Variants in C3 observed in about 807,000 individuals in gnomAD.
The protein encoded by C3 is C3 and PZP-like alpha-2-macroglobulin domain-containing protein 1.
Under a neutral mutation model 207.9 loss-of-function variants are expected in C3, and 97 were observed. The observed-to-expected ratio is 0.47, with a 90% CI of 0.40 to 0.55. The LOEUF (loss-of-function observed/expected upper bound fraction) is 0.55. Ranked by LOEUF, C3 falls within the 20% of genes least tolerant of loss-of-function variation. The pLI, the probability that C3 is intolerant of heterozygous loss-of-function variation, is 0.00. For missense variants in C3, 1,684 were observed against 2,171.7 expected (o/e 0.78, Z 4.46); for synonymous variants, 848 against 857.6 (o/e 0.99, Z 0.20).
rs376875885 is a variant in C3 at position 6,712,594 on chromosome 19, C to T, written c.1033G>A (p.Gly345Arg). Residue 345 changes from glycine to arginine, a missense_variant, in exon 10 of 41, where the codon GGG becomes AGG. Around this residue, in one of 3 missense-constraint regions of C3, gnomAD observed 1,280 missense variants for 1,739.1 expected, o/e 0.74. Coordinates refer to ENST00000245907, the MANE Select transcript of C3 (RefSeq NM_000064.4). ...GSDMVQAERS[G>R]IPIVTSPYQI... ...TAGGGAGAGGTCACGATGGGGATCC[C>T]GCTGCGCTCTGCCTGCACCATGTCA... The T allele has an allele frequency of 1.1e-5, 17 of 1,614,096 alleles. No homozygotes were observed. The highest frequency in any genetic ancestry group is 1.4e-5 in the Non-Finnish European group (16 of 1,179,978).
At position 6,682,025 on chromosome 19, in the gene C3, G is replaced by C. The variant is rs763380367; in HGVS notation, c.4266C>G (p.Ala1422=). 4.3e-6 allele frequency: 7 copies of C among 1,613,770 alleles called. No homozygotes were observed. The highest frequency in any genetic ancestry group is 5.9e-6 in the Non-Finnish European group (7 of 1,179,682). The part of the protein sequence containing the change: ...APDTDDLKQL[A]NGVDRYISKY... Reference sequence around the variant, plus strand: ...TGGAGATGTATCTGTCAACACCATTGGCCAGCTGGGGAAAGGTGGAGCCTG... The same window carrying C: ...TGGAGATGTATCTGTCAACACCATTCGCCAGCTGGGGAAAGGTGGAGCCTG... Residue 1422 remains alanine (A), a synonymous_variant, in exon 35 of 41, where the codon GCC becomes GCG. Transcript: ENST00000245907.
intron 27 of C3, among the ~76,000 whole-genome samples, chr19:6,687,916 G>A (rs531580460): frequency 6.6e-6 from 1 of 151,064 alleles, no homozygotes; most frequent in South Asian, 2.1e-4. Flanking sequence ...GAGTGCAGTG[G>A]CGCGATCTCG....
At position 6,707,249 on chromosome 19, in the gene C3, C is replaced by T; in HGVS notation, c.2072G>A (p.Arg691His). 6.2e-7 allele frequency: 1 copy of T among 1,612,136 alleles called. No individual in the cohort carries two copies. ...DKVGKYPKEL[R>H]KCCEDGMREN... is the part of the protein sequence containing the mutation. ...CCGCATGCCGTCCTCGCAGCACTTGCGCAGCTCCTTGGGGTACTTGCCGAC... is the reference window on the plus strand; with the variant it reads ...CCGCATGCCGTCCTCGCAGCACTTGTGCAGCTCCTTGGGGTACTTGCCGAC... The change falls in exon 17 of 41, where the codon CGC becomes CAC. Residue 691 changes from arginine (R) to histidine (H), a missense_variant. Arg to His is a conservative substitution (Grantham distance 29). This residue lies in a region of C3 where 1,280 missense variants were observed against 1,739.1 expected (regional missense o/e 0.74). Transcript: ENST00000245907.
At position 6,702,502 on chromosome 19, in the gene C3, C is replaced by T. The variant is rs745813592; in HGVS notation, c.2323G>A (p.Val775Ile). Reference protein sequence around the residue: ...SEFPESWLWNVEDLKEPPKNG... With the variant: ...SEFPESWLWNIEDLKEPPKNG... The stretch of plus-strand genomic sequence containing the variant: ...TTCGGTGGCTCTTTCAAGTCCTCAA[C>T]GTTCCACAGCCAGCTCTCTGGGAAC... Residue 775 changes from valine (V) to isoleucine (I), a missense_variant, in exon 18 of 41, where the codon GTT becomes ATT. Physicochemically the swap from Val to Ile is conservative, Grantham distance 29 (BLOSUM62 3). Coordinates refer to ENST00000245907, the MANE Select transcript of C3 (RefSeq NM_000064.4). 5.0e-6 allele frequency: 8 copies of T among 1,613,888 alleles called. No homozygotes were observed. The highest frequency in any genetic ancestry group is 6.8e-6 in the Non-Finnish European group (8 of 1,179,832).
intron 26 of C3, among the ~76,000 whole-genome samples, chr19:6,691,989 A>AACAC (rs57940862): frequency 0.043 from 5,932 of 136,830 alleles, 139 homozygotes; most frequent in Non-Finnish European, 0.049. Context: ...CTCCATCTCA[A>AACAC]ACACACACAC....
rs1360122442 is a variant in C3, at chr19:6,694,649, A to T, written c.2951-15T>A. ...CACTGGGGTCCCTGCAGCAGGTGGG[A>T]AGAGGACGTTGCTCAAGCCAGGTGG... On this transcript the variant is annotated splice_polypyrimidine_tract_variant and intron_variant, in intron 23 of 40. Coordinates refer to ENST00000245907, the MANE Select transcript of C3 (RefSeq NM_000064.4). The T allele has an allele frequency of 6.2e-7, 1 of 1,608,382 alleles. No homozygotes were observed.
At chr19:6,678,909 A>G (rs530827970) in intron 38 of C3, among the ~76,000 whole-genome samples, 1 of 152,182 alleles carries the variant, frequency 6.6e-6, no homozygotes, top group East Asian at 1.9e-4. Flanking sequence ...TGATGCATAC[A>G]ACCACATCTA....
Position 6,715,644 on chromosome 19 carries a change from C to T in C3, c.505-1198G>A, listed in dbSNP as rs867626385. Among the ~76,000 whole-genome samples the T allele has an allele frequency of 2.4e-4, 32 of 134,852 alleles. No homozygotes were observed. The Middle Eastern group carries it at 0.023, about 97-fold the overall frequency. 88.5% of individuals were successfully genotyped at this position (134,852 alleles called of 152,430 possible). On this transcript the variant is annotated intron_variant, in intron 4 of 40. Transcript: ENST00000245907. Reference sequence around the variant, plus strand: ...GTTTTTTTTGTTTTTTTTTTTGAGACGGAGTCTTGCTCTGTCGCCCAGGCT... The same window carrying T: ...GTTTTTTTTGTTTTTTTTTTTGAGATGGAGTCTTGCTCTGTCGCCCAGGCT...
At chr19:6,714,721 G>A (rs1967996444) in intron 4 of C3, among the ~76,000 whole-genome samples, 1 of 152,180 alleles carries the variant, frequency 6.6e-6, no homozygotes, top group Non-Finnish European at 1.5e-5. Context: ...AATTAGCCAG[G>A]CATGGTGGTA....
At chr19:6,685,625 G>A (rs1243602149) in intron 29 of C3, among the ~76,000 whole-genome samples, 5 of 152,172 alleles carry the variant, frequency 3.3e-5, no homozygotes, top group African/African-American at 4.8e-5. Flanking sequence ...GAGGCCAACT[G>A]GAGCCTGAAG....
chr19:6,700,553 A>G lies in C3; in HGVS notation c.2440+1574T>C, dbSNP rs747924102. ...ATGATATATTATATATGTAATATAT[A>G]ATATATGTAATATATGATATATTAT... On this transcript the variant is annotated intron_variant, in intron 19 of 40. Transcript: ENST00000245907. Among the ~76,000 whole-genome samples, 5 of 19,318 alleles carry G rather than the reference A, an allele frequency of 2.6e-4. 2 individuals are homozygous for G. Among genetic ancestry groups the G allele is most frequent in the Admixed American group, 1.2e-3 (1 of 830 alleles). The allele number at this position is 19,318 out of a possible 152,430, so 12.7% of individuals were successfully genotyped here.
chr19:6,690,204 T>A (rs1918132880), intron 27 of C3, among the ~76,000 whole-genome samples: 1 of 152,206 alleles, frequency 6.6e-6, no homozygotes, highest in African/African-American at 2.4e-5. Flanking sequence ...TAGCTCTGTA[T>A]CCCAAGTTTT....
chr19:6,713,363 G>A (rs1380255796), intron 8 of C3, 44 bp downstream of exon 8: 7 of 1,613,812 alleles, frequency 4.3e-6, no homozygotes, highest in Non-Finnish European at 3.4e-6. Context: ...CTCAGAGGTG[G>A]CGGGGACTGG....
intron 14 of C3, 44 bp downstream of exon 14, chr19:6,709,640 G>T: frequency 1.6e-6 from 1 of 641,784 alleles, no homozygotes; most frequent in African/African-American, 2.8e-5. Flanking sequence ...CCCCAGCTCC[G>T]TGCCTCCGCC....
Position 6,713,313 on chromosome 19 carries a change from A to C in C3, c.879T>G (p.Ile293Met). 6.2e-7 allele frequency: 1 copy of C among 1,613,754 alleles called. No homozygotes were observed. The highest frequency in any genetic ancestry group is 8.5e-7 in the Non-Finnish European group (1 of 1,179,974). ...SLPESLKRIPIEDGSGEVVLS... is the reference protein window; with the variant it reads ...SLPESLKRIPMEDGSGEVVLS... ...GCACAACCTCCCCCGAGCCATCCTCAATCTGAGAAGGGAGAGGAGGGCTCA... is the reference window on the plus strand; with the variant it reads ...GCACAACCTCCCCCGAGCCATCCTCCATCTGAGAAGGGAGAGGAGGGCTCA... The change falls in exon 9 of 41, where the codon ATT becomes ATG. Residue 293 changes from isoleucine (I) to methionine (M), a missense_variant and splice_region_variant. Ile to Met is a conservative substitution (Grantham distance 10). This residue lies in a region of C3 where 1,280 missense variants were observed against 1,739.1 expected (regional missense o/e 0.74). Coordinates refer to ENST00000245907, the MANE Select transcript of C3 (RefSeq NM_000064.4).
intron 33 of C3, chr19:6,683,445 T>C (rs947783102): frequency 5.8e-5 from 6 of 103,746 alleles, no homozygotes; most frequent in Non-Finnish European, 1.2e-4. Flanking sequence ...TGTTTTATTC[T>C]ATTTTTTTTT....
At chr19:6,689,391 CTTGG>C (rs1918116040) in intron 27 of C3, among the ~76,000 whole-genome samples, 2 of 127,962 alleles carry the variant, frequency 1.6e-5, no homozygotes, top group African/African-American at 7.1e-5. Context: ...CTCTCTCTGC[CTTGG>C]TCCCTCTTGG....
chr19:6,692,804 C>T (rs771162326), intron 26 of C3, 120 bp downstream of exon 26: 23 of 1,277,050 alleles, frequency 1.8e-5, no homozygotes, highest in Non-Finnish European at 2.5e-5. Flanking sequence ...CACCCCCCAG[C>T]CCAATCTTTG....
At position 6,694,432 on chromosome 19, in the gene C3, C is replaced by G; in HGVS notation, c.3153G>C (p.Lys1051Asn). ...KRQGALELIK[K>N]GYTQQLAFRQ... ...CTCCAAGAGGGGCAGGGAGCCCACC[C>G]TTCTTGATGAGCTCCAAGGCCCCCT... The change falls in exon 24 of 41, where the codon AAG becomes AAC. Residue 1051 changes from lysine (K) to asparagine (N), a missense_variant and splice_region_variant. By Grantham distance (94) the Lys-to-Asn change is moderately conservative. Around this residue, in one of 3 missense-constraint regions of C3, gnomAD observed 1,280 missense variants for 1,739.1 expected, o/e 0.74. Coordinates refer to ENST00000245907, the MANE Select transcript of C3 (RefSeq NM_000064.4). 6.2e-7 allele frequency: 1 copy of G among 1,613,836 alleles called. No homozygotes were observed. The highest frequency in any genetic ancestry group is 8.5e-7 in the Non-Finnish European group (1 of 1,179,768).
Sources: allele counts gnomAD v4.1 joint callset (sites outside exome capture counted in the v4.1 genomes callset), GRCh38; gene constraint gnomAD v4.1.1; regional missense constraint gnomAD v4.1.1; transcripts MANE v1.5; gene names NCBI Gene and HGNC (gene_info 2026-07-23, HGNC 2026-07-21).